RBFOX1: variants seen among roughly 807,000 people sequenced by gnomAD.
RBFOX1 encodes RNA binding protein fox-1 homolog 1.
Under a neutral mutation model 57.7 loss-of-function variants are expected in RBFOX1, and 8 were observed. That is an observed-to-expected ratio of 0.14 (90% CI 0.08 to 0.25). The LOEUF (loss-of-function observed/expected upper bound fraction) is 0.25. Ranked by LOEUF, RBFOX1 falls within the 10% of genes least tolerant of loss-of-function variation. RBFOX1 has a pLI of 1.00. For missense variants in RBFOX1, 611 were observed against 548.5 expected, an observed-to-expected ratio of 1.11 and a Z score of -1.14; for synonymous variants, 326 against 222.4, an observed-to-expected ratio of 1.47 and a Z score of -4.15.
chr16:5,361,739 G>A (rs1054401720), intron 1 of RBFOX1, among the ~76,000 whole-genome samples: 2 of 152,200 alleles, frequency 1.3e-5, no homozygotes, highest in Non-Finnish European at 2.9e-5. Context: ...TCCACTTTGT[G>A]CCAAGTTGTA....
At chr16:6,507,929 C>G (rs2096148744) in intron 2 of RBFOX1, among the ~76,000 whole-genome samples, 1 of 152,100 alleles carries the variant, frequency 6.6e-6, no homozygotes, top group African/African-American at 2.4e-5. Context: ...TTCATTGCAT[C>G]ACTTTTCACA....
At chr16:6,332,214 C>A (rs751085025) in intron 2 of RBFOX1, among the ~76,000 whole-genome samples, 6 of 152,114 alleles carry the variant, frequency 3.9e-5, no homozygotes, top group Non-Finnish European at 7.3e-5. Flanking sequence ...AAAATGAAAG[C>A]AATATTAAGA....
chr16:6,995,364 A>T (rs549526781), intron 3 of RBFOX1, among the ~76,000 whole-genome samples: 5 of 147,318 alleles, frequency 3.4e-5, no homozygotes, highest in African/African-American at 1.0e-4. Flanking sequence ...TATGTGGCCA[A>T]CTTGGGGAGG....
chr16:5,766,810 G>A lies in RBFOX1; in HGVS notation c.319-100493G>A, dbSNP rs541711872. 1.5e-4 allele frequency among the ~76,000 whole-genome samples: 23 copies of A among 152,236 alleles called. No homozygotes were observed. The East Asian group carries it at 3.9e-3, about 26-fold the overall frequency. ...TACCCACCCTGCTTCTGCCCTCAAGGCCCTCTGCTCTCTATCCCTCCCCAC... is the reference window on the plus strand; with the variant it reads ...TACCCACCCTGCTTCTGCCCTCAAGACCCTCTGCTCTCTATCCCTCCCCAC... On this transcript the variant is annotated intron_variant, in intron 3 of 19. Transcript: ENST00000641259.
chr16:7,301,909 C>CA (rs1208441475), intron 4 of RBFOX1, among the ~76,000 whole-genome samples: 7 of 151,798 alleles, frequency 4.6e-5, no homozygotes, highest in Non-Finnish European at 1.0e-4. Context: ...TTTGTGAATG[C>CA]AAAAATAAAT....
At chr16:5,424,309 T>C (rs896451601) in intron 1 of RBFOX1, among the ~76,000 whole-genome samples, 1 of 152,240 alleles carries the variant, frequency 6.6e-6, no homozygotes, top group African/African-American at 2.4e-5. Flanking sequence ...CAGGTTTCAC[T>C]GATTCAGAGT....
At chr16:5,347,030 T>C (rs2065155560) in intron 1 of RBFOX1, among the ~76,000 whole-genome samples, 1 of 152,154 alleles carries the variant, frequency 6.6e-6, no homozygotes, top group Non-Finnish European at 1.5e-5. Flanking sequence ...ACTTGGCTTG[T>C]TCCTGACTTT....
intron 1 of RBFOX1, among the ~76,000 whole-genome samples, chr16:5,465,394 C>G (rs906999357): frequency 1.3e-5 from 2 of 152,200 alleles, no homozygotes; most frequent in South Asian, 2.1e-4. Context: ...AAGGTCCTGT[C>G]TGCAAGTCAA....
rs567672812 is a variant in RBFOX1 at position 6,234,258 on chromosome 16, A to AT, written c.-126-82731dup. Among the ~76,000 whole-genome samples, 617 of 152,236 alleles carry AT rather than the reference A, an allele frequency of 4.1e-3. 3 individuals carry two copies. The highest frequency in any genetic ancestry group is 6.7e-3 in the Non-Finnish European group (458 of 68,010). On this transcript the variant is annotated intron_variant, in intron 1 of 15. Transcript: ENST00000550418. ...TTCTCAAAATTCCTGCCCACTGTCA[A>AT]TTTTTTACAGAAGCTAAATTTCCCC...
chr16:6,057,825 G>GTTTTTTTTTTT (rs34335596), intron 1 of RBFOX1, among the ~76,000 whole-genome samples: 1 of 81,124 alleles, frequency 1.2e-5, no homozygotes, highest in Non-Finnish European at 2.2e-5. Context: ...TTTGCTATGG[G>GTTTTTTTTTTT]TTTTTTTTTT....
At chr16:6,920,254 GT>G (rs5815353) in intron 3 of RBFOX1, among the ~76,000 whole-genome samples, 106,023 of 151,954 alleles carry the variant, frequency 0.7, 37,066 homozygotes, top group Non-Finnish European at 0.71. Flanking sequence ...ATGCACATGT[GT>G]TTTTTTATAT....
chr16:6,285,760 G>A (rs2076840785), intron 1 of RBFOX1, among the ~76,000 whole-genome samples: 1 of 152,102 alleles, frequency 6.6e-6, no homozygotes, highest in Non-Finnish European at 1.5e-5. Context: ...TTGGATTGTA[G>A]GTAGACTCTG....
chr16:5,785,844 C>T (rs561020384), intron 3 of RBFOX1, among the ~76,000 whole-genome samples: 39 of 152,220 alleles, frequency 2.6e-4, no homozygotes, highest in Admixed American at 5.9e-4. Flanking sequence ...CTGCAACTTC[C>T]TGAAAAAATC....
intron 3 of RBFOX1, among the ~76,000 whole-genome samples, chr16:6,972,119 A>G (rs1166550188): frequency 6.6e-6 from 1 of 152,172 alleles, no homozygotes; most frequent in African/African-American, 2.4e-5. Context: ...CACAACATCT[A>G]ACCATCTTAA....
chr16:7,302,531 TC>T (rs1379143935), intron 4 of RBFOX1, among the ~76,000 whole-genome samples: 1 of 151,950 alleles, frequency 6.6e-6, no homozygotes, highest in East Asian at 1.9e-4. Context: ...CAGGTACGGT[TC>T]CGTCCTGCAG....
chr16:5,711,339 C>T (rs1484940591), intron 3 of RBFOX1, among the ~76,000 whole-genome samples: 1 of 152,206 alleles, frequency 6.6e-6, no homozygotes, highest in South Asian at 2.1e-4. Flanking sequence ...CAAGGTCACA[C>T]AGCTAGTAAG....
rs2094479773 is a variant in RBFOX1, at chr16:6,446,079, C to T, written c.-64+129022C>T. On this transcript the variant is annotated intron_variant, in intron 2 of 15. Coordinates refer to ENST00000550418, the MANE Select transcript of RBFOX1 (RefSeq NM_018723.4). ...TTCTGGGCTCAAGCAATCCTCCCAC[C>T]TCAACCTCTCAAGTAGCCAGGAATA... Among the ~76,000 whole-genome samples, 4 of 152,152 alleles carry T rather than the reference C, an allele frequency of 2.6e-5. No individual in the cohort carries two copies. In the South Asian group the frequency reaches 8.3e-4, roughly 31 times the overall value.
chr16:7,441,424 C>T (rs1241953620), intron 4 of RBFOX1, among the ~76,000 whole-genome samples: 3 of 152,122 alleles, frequency 2.0e-5, no homozygotes, highest in Non-Finnish European at 2.9e-5. Flanking sequence ...GCCTAAGCCT[C>T]CCATTACAGA....
intron 3 of RBFOX1, among the ~76,000 whole-genome samples, chr16:6,837,657 A>G (rs1192436566): frequency 6.6e-6 from 1 of 152,198 alleles, no homozygotes; most frequent in Non-Finnish European, 1.5e-5. Flanking sequence ...CTCATTGAAA[A>G]TTGAGGATAA....
Sources: gnomAD v4.1 joint callset for allele counts (sites outside exome capture counted in the v4.1 genomes callset) on GRCh38, gnomAD v4.1.1 for gene constraint, MANE v1.5 for transcripts, NCBI Gene and HGNC (gene_info 2026-07-23, HGNC 2026-07-21) for gene names.